Variants in RNF144A observed in about 807,000 individuals in gnomAD.
RNF144A encodes ring finger protein 144A.
In RNF144A, 11 loss-of-function variants were observed where a neutral mutation model predicts 38.7. The observed-to-expected ratio is 0.28, with a 90% CI of 0.18 to 0.47. RNF144A has a LOEUF of 0.47. Among genes scored for constraint, RNF144A ranks in the 20% least tolerant of loss-of-function variants. The pLI is 0.99. For synonymous variants in RNF144A, 149 were observed against 143.9 expected, an observed-to-expected ratio of 1.04 and a Z score of -0.25; for missense variants, 316 against 377.2, an observed-to-expected ratio of 0.84 and a Z score of 1.34.
intron 5 of RNF144A, among the ~76,000 whole-genome samples, chr2:7,015,382 T>C (rs894209619): frequency 2.0e-5 from 3 of 152,226 alleles, no homozygotes; most frequent in African/African-American, 7.2e-5. Flanking sequence ...CCCTGATTTC[T>C]AAATATAGTG....
At chr2:7,024,561 G>T in intron 7 of RNF144A, 45 bp downstream of exon 7, 1 of 1,571,248 alleles carries the variant, frequency 6.4e-7, no homozygotes. Context: ...TAGCTTTGAG[G>T]TTTAGATTTG....
chr2:7,012,518 T>A (rs1364785410), intron 3 of RNF144A, among the ~76,000 whole-genome samples: 3 of 152,228 alleles, frequency 2.0e-5, no homozygotes, highest in African/African-American at 7.2e-5. Context: ...ACAATCTTTC[T>A]CCCTTGTCAT....
chr2:6,999,214 A>G (rs539596191), intron 3 of RNF144A, among the ~76,000 whole-genome samples: 39 of 152,352 alleles, frequency 2.6e-4, no homozygotes, highest in African/African-American at 9.4e-4. Flanking sequence ...ACTATTTACC[A>G]AAATTTAAAA....
At chr2:6,993,436 A>G (rs1669522539) in intron 2 of RNF144A, among the ~76,000 whole-genome samples, 2 of 152,152 alleles carry the variant, frequency 1.3e-5, no homozygotes, top group Admixed American at 1.3e-4. Context: ...CACAACAGAG[A>G]GGCAGTAAAC....
intron 2 of RNF144A, among the ~76,000 whole-genome samples, chr2:6,974,943 C>T (rs1365472167): frequency 6.6e-6 from 1 of 152,086 alleles, no homozygotes; most frequent in East Asian, 1.9e-4. Flanking sequence ...AATGAGTAGG[C>T]ATGATTGCTT....
At chr2:7,020,911 G>C (rs1301560624) in intron 6 of RNF144A, 2 of 568,846 alleles carry the variant, frequency 3.5e-6, no homozygotes, top group Non-Finnish European at 6.3e-6. Context: ...ATAGAAAGGT[G>C]TGTGAGAACC....
intron 3 of RNF144A, among the ~76,000 whole-genome samples, chr2:7,002,758 A>T (rs1670193572): frequency 6.6e-6 from 1 of 152,188 alleles, no homozygotes. Context: ...AGAGTGTACT[A>T]CTACTTATGA....
At chr2:6,999,815 C>T (rs143905836) in intron 3 of RNF144A, among the ~76,000 whole-genome samples, 77 of 152,292 alleles carry the variant, frequency 5.1e-4, no homozygotes, top group African/African-American at 1.7e-3. Flanking sequence ...GGCAGCTCTC[C>T]CTAAATGTCT....
intron 3 of RNF144A, among the ~76,000 whole-genome samples, chr2:7,009,382 C>A (rs1252986107): frequency 6.6e-6 from 1 of 152,168 alleles, no homozygotes; most frequent in African/African-American, 2.4e-5. Context: ...CCGATCATGA[C>A]CTGAAGCAGC....
At chr2:7,028,245 G>A (rs996984141) in intron 7 of RNF144A, among the ~76,000 whole-genome samples, 1 of 152,194 alleles carries the variant, frequency 6.6e-6, no homozygotes, top group African/African-American at 2.4e-5. Flanking sequence ...ACCTGGGCAC[G>A]ATGAAAGAGG....
At position 6,926,939 on chromosome 2, in the gene RNF144A, G is replaced by A. The variant is rs181225957; in HGVS notation, c.-212+9317G>A. On this transcript the variant is annotated intron_variant, in intron 1 of 8. Transcript: ENST00000320892. ...CAGAGAGGAAGGGATGGGGCAGAGCGGGGGTGCCCTTTCTGAAACAAGGGA... is the reference window on the plus strand; with the variant it reads ...CAGAGAGGAAGGGATGGGGCAGAGCAGGGGTGCCCTTTCTGAAACAAGGGA... Among the ~76,000 whole-genome samples, 213 of 152,256 alleles carry A rather than the reference G, an allele frequency of 1.4e-3. 5 individuals carry two copies. The highest frequency in any genetic ancestry group is 6.8e-3 in the Middle Eastern group (2 of 292).
chr2:6,996,624 C>T (rs1450128411), intron 2 of RNF144A: 8 of 273,152 alleles, frequency 2.9e-5, no homozygotes, highest in Non-Finnish European at 5.7e-5. Flanking sequence ...CATGGTGGCA[C>T]TTGCCTATAG....
At chr2:7,062,478 G>T (rs1673999740) in intron 6 of RNF144A, among the ~76,000 whole-genome samples, 2 of 132,382 alleles carry the variant, frequency 1.5e-5, no homozygotes, top group Middle Eastern at 4.2e-3. Context: ...GATGTGTTTT[G>T]AGAAATAGTG....
intron 2 of RNF144A, among the ~76,000 whole-genome samples, chr2:6,971,070 C>T (rs145228219): frequency 1.5e-3 from 233 of 152,296 alleles, no homozygotes; most frequent in African/African-American, 5.3e-3. Flanking sequence ...TGTAAAATAA[C>T]TGGCAAGTAT....
chr2:6,995,087 G>A (rs1029620061), intron 2 of RNF144A, among the ~76,000 whole-genome samples: 9 of 152,170 alleles, frequency 5.9e-5, no homozygotes, highest in Non-Finnish European at 1.3e-4. Context: ...AATTCACCAG[G>A]TGGGTGAATT....
At chr2:7,054,289 C>T (rs1673640738) in intron 6 of RNF144A, among the ~76,000 whole-genome samples, 1 of 152,212 alleles carries the variant, frequency 6.6e-6, no homozygotes, top group Non-Finnish European at 1.5e-5. Context: ...TCAGCCATCA[C>T]CCACTACCCT....
At chr2:6,961,093 T>C (rs1667304120) in intron 2 of RNF144A, among the ~76,000 whole-genome samples, 1 of 152,116 alleles carries the variant, frequency 6.6e-6, no homozygotes, top group South Asian at 2.1e-4. Flanking sequence ...TTTTTCTGTA[T>C]GGCTTTTAGT....
intron 2 of RNF144A, among the ~76,000 whole-genome samples, chr2:6,993,664 A>C (rs1244314701): frequency 6.6e-6 from 1 of 152,132 alleles, no homozygotes; most frequent in African/African-American, 2.4e-5. Context: ...GGCTGGGAGC[A>C]TAGTGCATGG....
rs1243676350 is a variant in RNF144A, at chr2:6,944,316, C to G, written c.-12+3169C>G. Among the ~76,000 whole-genome samples, 1 of 152,132 alleles carries G rather than the reference C, an allele frequency of 6.6e-6. No individual in the cohort carries two copies. Among genetic ancestry groups the G allele is most frequent in the Non-Finnish European group, 1.5e-5 (1 of 68,036 alleles). ...GGGTGCTGCAAGTTCCAGTGTTCCTCCCAAAGGCTCGGCTTCTCAGTCATC... is the reference window on the plus strand; with the variant it reads ...GGGTGCTGCAAGTTCCAGTGTTCCTGCCAAAGGCTCGGCTTCTCAGTCATC... On this transcript the variant is annotated intron_variant, in intron 2 of 8. Coordinates refer to ENST00000320892, the MANE Select transcript of RNF144A (RefSeq NM_014746.6). This position sits in a 1 kb window ranked among gnomAD's most constrained non-coding sequence, Gnocchi z 4.7.
Sources: gnomAD v4.1 joint callset for allele counts (sites outside exome capture counted in the v4.1 genomes callset) on GRCh38, gnomAD v4.1.1 for gene constraint, Gnocchi (gnomAD v3.1) non-coding constraint, MANE v1.5 for transcripts, NCBI Gene and HGNC (gene_info 2026-07-23, HGNC 2026-07-21) for gene names.